The following PCDH7 variants were observed in gnomAD, a reference collection of about 807,000 sequenced individuals.
PCDH7 encodes protocadherin-7.
Under a neutral mutation model 58.9 loss-of-function variants are expected in PCDH7, and 17 were observed. The observed-to-expected ratio is 0.29, with a 90% CI of 0.20 to 0.43. The LOEUF (loss-of-function observed/expected upper bound fraction) is 0.43, where lower values mean the gene tolerates loss of function less well. PCDH7 is among the 20% of genes least tolerant of loss of function. The probability of loss-of-function intolerance (pLI) is 1.00; values close to 1 mark genes in which losing one functional copy is unlikely to be tolerated. For missense variants in PCDH7, 1,274 were observed against 1,441.0 expected (o/e 0.88, Z 1.88); for synonymous variants, 664 against 616.4 (o/e 1.08, Z -1.14).
intron 3 of PCDH7, among the ~76,000 whole-genome samples, chr4:31,085,314 C>T (rs1247611075): frequency 6.6e-6 from 1 of 152,040 alleles, no homozygotes; most frequent in Non-Finnish European, 1.5e-5. Flanking sequence ...ATCTCAAGCA[C>T]TGATCCTAGG....
At chr4:30,741,359 T>TA (rs5857203) in intron 1 of PCDH7, among the ~76,000 whole-genome samples, 176 of 145,982 alleles carry the variant, frequency 1.2e-3, no homozygotes, top group South Asian at 5.9e-3. Flanking sequence ...TATGGCTAGT[T>TA]AAAAAAAAAA....
At chr4:30,794,059 C>G (rs547599710) in intron 1 of PCDH7, 1 of 152,272 alleles carries the variant, frequency 6.6e-6, no homozygotes, top group East Asian at 1.9e-4. Flanking sequence ...CCTCCCCTCC[C>G]CAGTGAGAAC....
chr4:30,866,790 A>G (rs552404090), intron 1 of PCDH7, among the ~76,000 whole-genome samples: 105 of 152,210 alleles, frequency 6.9e-4, no homozygotes, highest in African/African-American at 2.5e-3. Flanking sequence ...AATCGTTTAC[A>G]GAGAAACAGG....
intron 3 of PCDH7, among the ~76,000 whole-genome samples, chr4:31,061,419 T>A (rs1356169477): frequency 6.6e-6 from 1 of 151,572 alleles, no homozygotes; most frequent in Non-Finnish European, 1.5e-5. Context: ...TAGTTTTAAT[T>A]TTCTTCTAGA....
intron 3 of PCDH7, among the ~76,000 whole-genome samples, chr4:31,011,288 GA>G (rs1194825956): frequency 2.0e-5 from 3 of 152,020 alleles, no homozygotes; most frequent in African/African-American, 7.2e-5. Flanking sequence ...GCCGCTGTAA[GA>G]AAGTACATCA....
intron 3 of PCDH7, among the ~76,000 whole-genome samples, chr4:31,069,149 CT>C (rs1758335979): frequency 6.6e-6 from 1 of 151,940 alleles, no homozygotes. Context: ...TTATAGTTTC[CT>C]TTTCTGTGCC....
chr4:31,115,289 A>T (rs182773543), intron 3 of PCDH7, among the ~76,000 whole-genome samples: 1 of 152,284 alleles, frequency 6.6e-6, no homozygotes, highest in Admixed American at 6.5e-5. Context: ...AATGATTTTT[A>T]AAAGTATGTT....
At chr4:31,021,383 C>A (rs1435942168) in intron 3 of PCDH7, among the ~76,000 whole-genome samples, 1 of 152,096 alleles carries the variant, frequency 6.6e-6, no homozygotes, top group Non-Finnish European at 1.5e-5. Context: ...GGAATTGTCT[C>A]GACCAACATG....
intron 1 of PCDH7, chr4:30,885,070 G>A (rs1163758415): frequency 2.0e-5 from 3 of 152,174 alleles, no homozygotes; most frequent in African/African-American, 2.4e-5. Context: ...TTTGTCAACT[G>A]AGAATCTGCC....
intron 1 of PCDH7, among the ~76,000 whole-genome samples, chr4:30,889,797 C>T (rs973683252): frequency 2.0e-5 from 3 of 152,146 alleles, no homozygotes; most frequent in Non-Finnish European, 4.4e-5. Flanking sequence ...CCAATGGTTC[C>T]ATCTCTTAAT....
intron 3 of PCDH7, among the ~76,000 whole-genome samples, chr4:31,077,978 A>C (rs1759145941): frequency 6.6e-6 from 1 of 152,118 alleles, no homozygotes; most frequent in African/African-American, 2.4e-5. Context: ...GGGTTAAAGG[A>C]AACAGGAATA....
At chr4:31,039,881 A>G (rs1211966034) in intron 3 of PCDH7, among the ~76,000 whole-genome samples, 71 of 152,148 alleles carry the variant, frequency 4.7e-4, no homozygotes, top group Admixed American at 4.6e-3. Context: ...ATTAATACCA[A>G]GCCAATAGAC....
At chr4:30,921,394 G>A (rs779975863) in intron 2 of PCDH7, among the ~76,000 whole-genome samples, 1 of 151,990 alleles carries the variant, frequency 6.6e-6, no homozygotes, top group African/African-American at 2.4e-5. Flanking sequence ...CTTTAGTGCT[G>A]ATATATATGC....
intron 3 of PCDH7, among the ~76,000 whole-genome samples, chr4:31,038,985 A>G (rs528568831): frequency 6.6e-6 from 1 of 152,210 alleles, no homozygotes; most frequent in African/African-American, 2.4e-5. Flanking sequence ...TTCAAAGAGT[A>G]AATTAGCATA....
intron 1 of PCDH7, among the ~76,000 whole-genome samples, chr4:30,830,534 G>T (rs1458362817): frequency 6.6e-6 from 1 of 151,726 alleles, no homozygotes; most frequent in Non-Finnish European, 1.5e-5. Context: ...CGCTCCTTTT[G>T]CTTTCCTTCC....
chr4:31,055,639 T>A (rs1439672389), intron 3 of PCDH7, among the ~76,000 whole-genome samples: 1 of 152,082 alleles, frequency 6.6e-6, no homozygotes, highest in African/African-American at 2.4e-5. Context: ...TGCAGTGGCA[T>A]GATCTCGGCT....
At chr4:31,031,070 G>A (rs1360319374) in intron 3 of PCDH7, among the ~76,000 whole-genome samples, 1 of 152,116 alleles carries the variant, frequency 6.6e-6, no homozygotes, top group African/African-American at 2.4e-5. Flanking sequence ...GGGGTTATTT[G>A]AAGAAGAGTT....
intron 3 of PCDH7, among the ~76,000 whole-genome samples, chr4:31,010,987 AT>A (rs985091600): frequency 3.3e-5 from 5 of 151,848 alleles, no homozygotes; most frequent in South Asian, 2.1e-4. Flanking sequence ...CTGTTGAAAT[AT>A]TTTTTCCCCT....
At chr4:30,953,295 T>C (rs1412446598) in intron 3 of PCDH7, among the ~76,000 whole-genome samples, 1 of 152,158 alleles carries the variant, frequency 6.6e-6, no homozygotes, top group Non-Finnish European at 1.5e-5. Context: ...TAAATGAAAG[T>C]ATTTCTAGAC....
Sources: allele counts gnomAD v4.1 joint callset (sites outside exome capture counted in the v4.1 genomes callset), GRCh38; gene constraint gnomAD v4.1.1; transcripts MANE v1.5; gene names NCBI Gene and HGNC (gene_info 2026-07-23, HGNC 2026-07-21).